The following NRXN3 variants were observed in gnomAD, a reference collection of about 807,000 sequenced individuals.
The protein encoded by NRXN3 is neurexin III.
Under a neutral mutation model 137.6 loss-of-function variants are expected in NRXN3, and 32 were observed. The ratio of observed to expected loss-of-function variants is 0.23; its 90% CI spans 0.18 to 0.31. The LOEUF (loss-of-function observed/expected upper bound fraction) is 0.31. Among genes scored for constraint, NRXN3 ranks in the 10% least tolerant of loss-of-function variants. The pLI is 1.00. For synonymous variants in NRXN3, 798 were observed against 784.5 expected, an observed-to-expected ratio of 1.02 and a Z score of -0.29; for missense variants, 1,574 against 2,062.5, an observed-to-expected ratio of 0.76 and a Z score of 4.59.
At chr14:78,615,067 A>T in intron 4 of NRXN3, 1 of 456,678 alleles carries the variant, frequency 2.2e-6, no homozygotes, top group Non-Finnish European at 4.4e-6. Flanking sequence ...TGGTTAGATT[A>T]GGCTAATTGT....
At chr14:78,569,945 G>A (rs2096874568) in intron 4 of NRXN3, among the ~76,000 whole-genome samples, 1 of 152,244 alleles carries the variant, frequency 6.6e-6, no homozygotes, top group Admixed American at 6.5e-5. Flanking sequence ...ATATCCAGGG[G>A]CCACACTGGC....
At chr14:79,140,481 C>A (rs533494663) in intron 15 of NRXN3, among the ~76,000 whole-genome samples, 69 of 152,092 alleles carry the variant, frequency 4.5e-4, no homozygotes, top group Non-Finnish European at 8.5e-4. Context: ...AATGTTGGTT[C>A]ACCCCCATTA....
At chr14:79,005,223 T>C (rs1472194151) in intron 15 of NRXN3, among the ~76,000 whole-genome samples, 3 of 152,208 alleles carry the variant, frequency 2.0e-5, no homozygotes, top group African/African-American at 4.8e-5. Context: ...TCTTGCCTCA[T>C]GACTTGATAC....
At chr14:78,465,554 T>C (rs2095074524) in intron 4 of NRXN3, among the ~76,000 whole-genome samples, 1 of 152,224 alleles carries the variant, frequency 6.6e-6, no homozygotes, top group South Asian at 2.1e-4. Context: ...TTGTTTTTGT[T>C]TTGAGACAGA....
At chr14:78,520,004 C>T (rs1434741422) in intron 4 of NRXN3, among the ~76,000 whole-genome samples, 1 of 152,140 alleles carries the variant, frequency 6.6e-6, no homozygotes, top group Non-Finnish European at 1.5e-5. Flanking sequence ...TCAAGAATAG[C>T]AAGGCTCTTT....
chr14:78,675,660 G>A (rs2097995823), intron 6 of NRXN3, among the ~76,000 whole-genome samples: 1 of 152,194 alleles, frequency 6.6e-6, no homozygotes, highest in African/African-American at 2.4e-5. Flanking sequence ...GATTGGTAGT[G>A]TTGGGAAAGA....
chr14:79,259,841 G>A (rs1045766805), intron 15 of NRXN3, among the ~76,000 whole-genome samples: 3 of 151,760 alleles, frequency 2.0e-5, no homozygotes, highest in African/African-American at 7.3e-5. Flanking sequence ...TCTACATGGA[G>A]CACTGAACTA....
chr14:78,324,795 A>G (rs2079846190), intron 4 of NRXN3, among the ~76,000 whole-genome samples: 1 of 152,078 alleles, frequency 6.6e-6, no homozygotes, highest in Non-Finnish European at 1.5e-5. Context: ...GGGGGAAGCC[A>G]TGTCACTCAG....
At chr14:79,560,449 A>C (rs1424096381) in intron 16 of NRXN3, among the ~76,000 whole-genome samples, 1 of 145,170 alleles carries the variant, frequency 6.9e-6, no homozygotes, top group Non-Finnish European at 1.5e-5. Flanking sequence ...TCTGGAAGCC[A>C]TTTTGACACC....
At chr14:78,464,201 C>T (rs1379138967) in intron 4 of NRXN3, among the ~76,000 whole-genome samples, 1 of 151,924 alleles carries the variant, frequency 6.6e-6, no homozygotes. Flanking sequence ...TACAGGCACC[C>T]GCCACCATGT....
At chr14:79,489,693 C>T (rs934461783) in intron 16 of NRXN3, among the ~76,000 whole-genome samples, 1 of 152,048 alleles carries the variant, frequency 6.6e-6, no homozygotes, top group African/African-American at 2.4e-5. Flanking sequence ...CGATAATTAA[C>T]CTGGAAGGGA....
intron 8 of NRXN3, among the ~76,000 whole-genome samples, chr14:78,780,513 G>A (rs2098765284): frequency 6.6e-6 from 1 of 151,944 alleles, no homozygotes; most frequent in South Asian, 2.1e-4. Flanking sequence ...TAAAAGACGA[G>A]CTACAGACTT....
chr14:78,580,044 T>G (rs2096977645), intron 4 of NRXN3, among the ~76,000 whole-genome samples: 3 of 152,190 alleles, frequency 2.0e-5, no homozygotes, highest in Admixed American at 1.3e-4. Flanking sequence ...ACACCTGTCA[T>G]GTGGTAAGTG....
At chr14:78,789,827 C>T (rs978328507) in intron 8 of NRXN3, among the ~76,000 whole-genome samples, 3 of 152,064 alleles carry the variant, frequency 2.0e-5, no homozygotes, top group Admixed American at 2.0e-4. Context: ...GTTTACAGGT[C>T]TCCTTCTTCT....
At chr14:79,095,049 C>G (rs2050038918) in intron 15 of NRXN3, among the ~76,000 whole-genome samples, 1 of 147,196 alleles carries the variant, frequency 6.8e-6, no homozygotes, top group African/African-American at 2.5e-5. Flanking sequence ...ATGGACAGGT[C>G]ATTTTGTTGA....
intron 15 of NRXN3, among the ~76,000 whole-genome samples, chr14:79,035,606 A>G (rs2099614761): frequency 6.6e-6 from 1 of 152,080 alleles, no homozygotes; most frequent in African/African-American, 2.4e-5. Flanking sequence ...TCCTTTCTGT[A>G]TGTTGAGAGA....
intron 15 of NRXN3, among the ~76,000 whole-genome samples, chr14:79,391,022 C>T (rs2094827407): frequency 6.6e-6 from 1 of 151,978 alleles, no homozygotes; most frequent in Admixed American, 6.6e-5. Flanking sequence ...AGTTGTAGGC[C>T]CTTCGACCTT....
chr14:78,810,661 T>G (rs1484109067), intron 10 of NRXN3, among the ~76,000 whole-genome samples: 1 of 152,200 alleles, frequency 6.6e-6, no homozygotes, highest in Non-Finnish European at 1.5e-5. Context: ...TTATTGTTTT[T>G]GGGAGGTAAC....
intron 11 of NRXN3, among the ~76,000 whole-genome samples, chr14:78,960,886 C>T (rs1184260): frequency 1 from 152,173 of 152,326 alleles, 76,011 homozygotes; most frequent in Middle Eastern, 1. Flanking sequence ...AAAAACTTGA[C>T]AAAATAGGAT....
Sources: gnomAD v4.1 joint callset for allele counts (sites outside exome capture counted in the v4.1 genomes callset) on GRCh38, gnomAD v4.1.1 for gene constraint, MANE v1.5 for transcripts, NCBI Gene and HGNC (gene_info 2026-07-23, HGNC 2026-07-21) for gene names.